Variants in STXBP5L observed in about 807,000 individuals in gnomAD.
STXBP5L encodes the protein syntaxin binding protein 5L.
Under a neutral mutation model 144.5 loss-of-function variants are expected in STXBP5L, and 65 were observed. The ratio of observed to expected loss-of-function variants is 0.45; its 90% CI spans 0.37 to 0.55. STXBP5L has a LOEUF of 0.55. STXBP5L is among the 20% of genes least tolerant of loss of function. The pLI, the probability that STXBP5L is intolerant of heterozygous loss-of-function variation, is 0.00. For synonymous variants in STXBP5L, 505 were observed against 469.6 expected (o/e 1.08, Z -0.97); for missense variants, 1,298 against 1,405.5 (o/e 0.92, Z 1.22).
intron 7 of STXBP5L, among the ~76,000 whole-genome samples, chr3:121,127,563 T>A (rs1409558012): frequency 6.6e-6 from 1 of 151,620 alleles, no homozygotes; most frequent in Middle Eastern, 3.2e-3. Context: ...CCTCTTTTTA[T>A]AACAACAGGA....
chr3:121,099,169 AAAAGAC>A (rs1204022267), intron 5 of STXBP5L: 1 of 152,238 alleles, frequency 6.6e-6, no homozygotes, highest in Non-Finnish European at 1.5e-5. Context: ...CTTTATGAGA[AAAAGAC>A]AAAGATATAA....
chr3:121,406,313 A>G (rs1459859222), intron 22 of STXBP5L, among the ~76,000 whole-genome samples: 3 of 152,108 alleles, frequency 2.0e-5, no homozygotes, highest in Non-Finnish European at 2.9e-5. Context: ...AGTACTTTCT[A>G]AATGAATATA....
At chr3:121,133,923 G>A (rs1032988690) in intron 7 of STXBP5L, among the ~76,000 whole-genome samples, 6 of 152,108 alleles carry the variant, frequency 3.9e-5, no homozygotes, top group Admixed American at 3.9e-4. Context: ...CAAGAGAACA[G>A]CAAGGGATTA....
intron 10 of STXBP5L, among the ~76,000 whole-genome samples, chr3:121,215,009 G>A (rs972749458): frequency 6.6e-6 from 1 of 151,910 alleles, no homozygotes; most frequent in Non-Finnish European, 1.5e-5. Flanking sequence ...TTTTATCAGA[G>A]ATTAGGATTG....
At chr3:121,387,418 A>G (rs1040888216) in intron 22 of STXBP5L, among the ~76,000 whole-genome samples, 3 of 152,026 alleles carry the variant, frequency 2.0e-5, no homozygotes, top group Admixed American at 1.3e-4. Flanking sequence ...ATTAGATCCC[A>G]TTTGTCTATT....
At chr3:120,975,493 A>G (rs543952254) in intron 3 of STXBP5L, among the ~76,000 whole-genome samples, 4 of 152,028 alleles carry the variant, frequency 2.6e-5, no homozygotes, top group Non-Finnish European at 5.9e-5. Context: ...CTGCAAACAG[A>G]GACAATTTGA....
At chr3:121,310,845 G>GGC (rs1577421644) in intron 19 of STXBP5L, among the ~76,000 whole-genome samples, 1 of 150,638 alleles carries the variant, frequency 6.6e-6, no homozygotes, top group East Asian at 2.0e-4. Context: ...GGAGGTGAAG[G>GGC]TTGCAGTGAG....
intron 18 of STXBP5L, among the ~76,000 whole-genome samples, chr3:121,264,833 T>G (rs1015207775): frequency 6.7e-6 from 1 of 149,954 alleles, no homozygotes; most frequent in African/African-American, 2.4e-5. Context: ...GATTGCAATC[T>G]TAGTCTCTGA....
chr3:121,334,355 A>G (rs1449214715), intron 20 of STXBP5L, among the ~76,000 whole-genome samples: 1 of 152,184 alleles, frequency 6.6e-6, no homozygotes, highest in Non-Finnish European at 1.5e-5. Context: ...AAACTATCCC[A>G]AAGAATTGAG....
At chr3:120,951,608 T>C (rs949657931) in intron 2 of STXBP5L, among the ~76,000 whole-genome samples, 7 of 152,028 alleles carry the variant, frequency 4.6e-5, no homozygotes, top group South Asian at 2.1e-4. Flanking sequence ...CAATGAGATA[T>C]CATCTCACAC....
intron 3 of STXBP5L, among the ~76,000 whole-genome samples, chr3:120,971,754 TTTTA>T (rs1940286935): frequency 6.8e-6 from 1 of 146,088 alleles, no homozygotes; most frequent in East Asian, 2.0e-4. Context: ...ATATATCACA[TTTTA>T]TATATGTGTA....
At chr3:121,182,403 A>G (rs978605959) in intron 9 of STXBP5L, among the ~76,000 whole-genome samples, 12 of 152,242 alleles carry the variant, frequency 7.9e-5, no homozygotes, top group Non-Finnish European at 1.8e-4. Flanking sequence ...AAATTAAATA[A>G]TCTGCTCTTG....
At chr3:121,148,297 C>A (rs1432645647) in intron 7 of STXBP5L, among the ~76,000 whole-genome samples, 2 of 152,172 alleles carry the variant, frequency 1.3e-5, no homozygotes, top group South Asian at 2.1e-4. Flanking sequence ...AAAATCACAA[C>A]CAATTTATGC....
intron 17 of STXBP5L, 81 bp from the exon 18 acceptor site, chr3:121,258,962 A>T: frequency 7.3e-7 from 1 of 1,361,710 alleles, no homozygotes; most frequent in Non-Finnish European, 9.7e-7. Context: ...TTTCTGTAGC[A>T]TGATTCTATG....
intron 5 of STXBP5L, among the ~76,000 whole-genome samples, chr3:121,081,685 A>G (rs1460110863): frequency 6.6e-6 from 1 of 152,148 alleles, no homozygotes; most frequent in Non-Finnish European, 1.5e-5. Context: ...CTTCAGGCCA[A>G]TAGGGGTGGT....
At position 121,373,289 on chromosome 3, in the gene STXBP5L, T is replaced by G. The variant is rs572674294; in HGVS notation, c.2177-5427T>G. On this transcript the variant is annotated intron_variant, in intron 20 of 26. Transcript: ENST00000471454. ...GTGAGAGATTCCTAGCAGTCCACAT[T>G]CCAACCACAAATGCCTGCAGTCCTA... Among the ~76,000 whole-genome samples the G allele has an allele frequency of 2.0e-5, 3 of 152,270 alleles. No individual in the cohort carries two copies. The East Asian group carries it at 5.8e-4, about 29-fold the overall frequency.
At chr3:121,391,015 TAC>T in intron 22 of STXBP5L, among the ~76,000 whole-genome samples, 1 of 152,330 alleles carries the variant, frequency 6.6e-6, no homozygotes, top group African/African-American at 2.4e-5. Flanking sequence ...CACTTTCAGG[TAC>T]ACCAATCAGA....
intron 19 of STXBP5L, among the ~76,000 whole-genome samples, chr3:121,296,150 C>A (rs1354264885): frequency 6.6e-6 from 1 of 152,142 alleles, no homozygotes; most frequent in Non-Finnish European, 1.5e-5. Flanking sequence ...TAAAAACCTT[C>A]AAGTTTAGTA....
intron 20 of STXBP5L, among the ~76,000 whole-genome samples, chr3:121,377,889 T>C (rs2046229690): frequency 6.6e-6 from 1 of 152,188 alleles, no homozygotes; most frequent in Admixed American, 6.5e-5. Context: ...ATTGAAGCAC[T>C]ATTTACAATA....
Sources: allele counts gnomAD v4.1 joint callset (sites outside exome capture counted in the v4.1 genomes callset), GRCh38; gene constraint gnomAD v4.1.1; transcripts MANE v1.5; gene names NCBI Gene and HGNC (gene_info 2026-07-23, HGNC 2026-07-21).